ZNF385C: variants seen among roughly 807,000 people sequenced by gnomAD.
ZNF385C encodes zinc finger protein 385C, also known as CTD-2132N18.2.
A neutral mutation model predicts 35.4 loss-of-function variants in ZNF385C; 28 were observed. The observed-to-expected ratio is 0.79, with a 90% CI of 0.59 to 1.08. The LOEUF (loss-of-function observed/expected upper bound fraction) is 1.08. Among genes scored for constraint, ZNF385C ranks in the 50% least tolerant of loss-of-function variants. The pLI, the probability that ZNF385C is intolerant of heterozygous loss-of-function variation, is 0.00. For synonymous variants in ZNF385C, 248 were observed against 248.2 expected (o/e 1.00, Z 0.01); for missense variants, 605 against 595.6 (o/e 1.02, Z -0.16).
intron 2 of ZNF385C, chr17:42,062,066 G>C (rs890198128): frequency 6.5e-6 from 1 of 152,846 alleles, no homozygotes; most frequent in Non-Finnish European, 1.5e-5. Context: ...GTAGGTTTCT[G>C]TTGGCCTCCC....
intron 1 of ZNF385C, among the ~76,000 whole-genome samples, chr17:42,078,742 A>G (rs1370464589): frequency 6.6e-6 from 1 of 152,066 alleles, no homozygotes; most frequent in African/African-American, 2.4e-5. Flanking sequence ...AGGCAGGGGC[A>G]TGGACAGGAT....
chr17:42,027,554 G>GGCCCCCC, intron 8 of ZNF385C, 64 bp downstream of exon 8: 23 of 556,860 alleles, frequency 4.1e-5, no homozygotes, highest in East Asian at 1.0e-4. Context: ...CCCCCATCTG[G>GGCCCCCC]CCCTCCCAGC....
rs555239497 is a variant in ZNF385C at position 42,040,831 on chromosome 17, C to T, written c.251-2946G>A. The T allele has an allele frequency of 1.7e-4, 205 of 1,232,338 alleles. 2 individuals are homozygous for T. In the Middle Eastern group the frequency reaches 4.4e-3, roughly 26 times the overall value. 76.3% of individuals were successfully genotyped at this position (1,232,338 alleles called of 1,614,324 possible). A position where few individuals can be genotyped will look rare whatever the true frequency, so the allele number is the denominator to read the frequency against. On this transcript the variant is annotated intron_variant, in intron 2 of 8. Transcript: ENST00000692273. ...GTAGGCCGGGGGCTCAGGATCTGTC[C>T]GGCCAGGGAGACAATGCAGCTCTGC...
rs141855380 is a variant in ZNF385C, at chr17:42,028,128, G to A, written c.1086C>T (p.Gly362=). The A allele has an allele frequency of 4.7e-5, 75 of 1,612,634 alleles. No homozygotes were observed. The African/African-American group carries it at 4.8e-4, about 10-fold the overall frequency. ...HKAKRVTGGR[G]GRQGPSPAFH... is the part of the protein sequence containing the mutation. ...AGGCAGGGCTGGGCCCCTGCCGGCC[G>A]CCCCGGCCCCCTGTGACTCTCTTGG... Residue 362 remains glycine, a synonymous_variant, in exon 7 of 9, where the codon GGC becomes GGT. Coordinates refer to ENST00000692273, the MANE Select transcript of ZNF385C (RefSeq NM_001392013.1).
chr17:42,028,762 C>G (rs1555654626), intron 6 of ZNF385C, 21 bp downstream of exon 6: 1 of 1,538,634 alleles, frequency 6.5e-7, no homozygotes, highest in South Asian at 1.2e-5. Flanking sequence ...TCCCTGGGCT[C>G]CAGCTCCTGG....
At chr17:42,067,130 G>A (rs2053559742) in intron 1 of ZNF385C, among the ~76,000 whole-genome samples, 1 of 152,036 alleles carries the variant, frequency 6.6e-6, no homozygotes, top group Non-Finnish European at 1.5e-5. Flanking sequence ...AAGTGGAGCA[G>A]TGTGATCATA....
chr17:42,090,241 G>C (rs1413807781), intron 1 of ZNF385C, among the ~76,000 whole-genome samples: 1 of 149,228 alleles, frequency 6.7e-6, no homozygotes, highest in Non-Finnish European at 1.5e-5. Flanking sequence ...GCTCTCTCTA[G>C]GGTAGTTTTC....
intron 1 of ZNF385C, among the ~76,000 whole-genome samples, chr17:42,088,051 T>C (rs534009851): frequency 1.1e-3 from 162 of 152,356 alleles, no homozygotes; most frequent in African/African-American, 3.8e-3. Context: ...ATTTTTTTTT[T>C]AATCGACACT....
chr17:42,034,314 C>T lies in ZNF385C; in HGVS notation c.421G>A (p.Val141Ile). 6.4e-7 allele frequency: 1 copy of T among 1,550,546 alleles called. No individual in the cohort carries two copies. The highest frequency in any genetic ancestry group is 2.4e-5 in the East Asian group (1 of 40,918). The change falls in exon 4 of 9, where the codon GTC becomes ATC. Residue 141 changes from valine (V) to isoleucine (I), a missense_variant. Physicochemically the swap from Val to Ile is conservative, Grantham distance 29. Coordinates refer to ENST00000692273, the MANE Select transcript of ZNF385C (RefSeq NM_001392013.1). ...FSTMDPVQKAVISHTFGVPSP... is the reference protein window; with the variant it reads ...FSTMDPVQKAIISHTFGVPSP... ...GGGACACCAAACGTGTGGCTGATGA[C>T]AGCTTTCTGGACCGGGTCCATCTGT... is the stretch of plus-strand genomic sequence containing the variant.
At chr17:42,079,502 C>CAA (rs113892632) in intron 1 of ZNF385C, among the ~76,000 whole-genome samples, 1 of 127,810 alleles carries the variant, frequency 7.8e-6, no homozygotes, top group African/African-American at 3.0e-5. Flanking sequence ...TCTATCTTTA[C>CAA]AAAAAAAAAA....
At chr17:42,084,791 T>A (rs1432565752) in intron 1 of ZNF385C, among the ~76,000 whole-genome samples, 1 of 151,268 alleles carries the variant, frequency 6.6e-6, no homozygotes, top group Non-Finnish European at 1.5e-5. Flanking sequence ...AAAAAAAAAT[T>A]TTTTTTTTAG....
chr17:42,087,031 C>T (rs1901090402), intron 1 of ZNF385C, among the ~76,000 whole-genome samples: 1 of 151,990 alleles, frequency 6.6e-6, no homozygotes, highest in African/African-American at 2.4e-5. Context: ...CCATATTGGT[C>T]AGGCTGGTCT....
chr17:42,067,868 G>A (rs1294187844), intron 1 of ZNF385C, among the ~76,000 whole-genome samples: 2 of 152,188 alleles, frequency 1.3e-5, no homozygotes, highest in African/African-American at 4.8e-5. Context: ...AAGGAGAGCT[G>A]CCTGCCCCGC....
chr17:42,094,182 C>T (rs1392523546), intron 1 of ZNF385C, among the ~76,000 whole-genome samples: 1 of 152,116 alleles, frequency 6.6e-6, no homozygotes, highest in Non-Finnish European at 1.5e-5. Flanking sequence ...GGGGGTTCAC[C>T]ATGTTGGCCA....
At chr17:42,077,231 C>T (rs1385911245) in intron 1 of ZNF385C, among the ~76,000 whole-genome samples, 1 of 152,164 alleles carries the variant, frequency 6.6e-6, no homozygotes, top group African/African-American at 2.4e-5. Flanking sequence ...AAGTTACTTC[C>T]CCTCTCTGAG....
intron 2 of ZNF385C, among the ~76,000 whole-genome samples, chr17:42,045,078 C>T (rs975709865): frequency 6.6e-6 from 1 of 152,220 alleles, no homozygotes; most frequent in Non-Finnish European, 1.5e-5. Flanking sequence ...CCATCACGCC[C>T]GGCTAATTTT....
intron 1 of ZNF385C, among the ~76,000 whole-genome samples, chr17:42,093,870 C>G (rs1428228753): frequency 2.0e-5 from 3 of 152,032 alleles, no homozygotes; most frequent in African/African-American, 7.2e-5. Flanking sequence ...CAGGTGTGAG[C>G]CACTGCACTC....
intron 3 of ZNF385C, among the ~76,000 whole-genome samples, chr17:42,034,793 AAAAAAGAAAAGAAAAAG>A (rs2052808742): frequency 6.6e-6 from 1 of 151,010 alleles, no homozygotes; most frequent in South Asian, 2.1e-4. Flanking sequence ...TCAAAAAAAA[AAAAAAGAAAAGAAAAAG>A]AAAAAGAAAA....
chr17:42,027,935 CT>C, intron 7 of ZNF385C, 114 bp downstream of exon 7: 1 of 1,392,108 alleles, frequency 7.2e-7, no homozygotes. Flanking sequence ...GGCCTCGCTT[CT>C]CCAGCCTGCT....
Sources: allele counts gnomAD v4.1 joint callset (sites outside exome capture counted in the v4.1 genomes callset), GRCh38; gene constraint gnomAD v4.1.1; transcripts MANE v1.5; gene names NCBI Gene and HGNC (gene_info 2026-07-23, HGNC 2026-07-21).